Variants in TRPM3 observed in about 807,000 individuals in gnomAD.
TRPM3 encodes transient receptor potential cation channel subfamily M member 3.
Under a neutral mutation model 181.2 loss-of-function variants are expected in TRPM3, and 77 were observed. That is an observed-to-expected ratio of 0.42 (90% CI 0.35 to 0.51). The LOEUF is 0.51. Ranked by LOEUF, TRPM3 falls within the 20% of genes least tolerant of loss-of-function variation. The pLI, the probability that TRPM3 is intolerant of heterozygous loss-of-function variation, is 0.01. For missense variants in TRPM3, 1,759 were observed against 2,196.7 expected (o/e 0.80, Z 3.98); for synonymous variants, 745 against 796.4 (o/e 0.94, Z 1.09).
chr9:70,988,512 C>G (rs2097444018), intron 1 of TRPM3, among the ~76,000 whole-genome samples: 1 of 152,176 alleles, frequency 6.6e-6, no homozygotes, highest in Non-Finnish European at 1.5e-5. Flanking sequence ...TGAGCGTCCA[C>G]TGTATACTTT....
At chr9:71,109,400 C>A (rs2070516623) in intron 1 of TRPM3, among the ~76,000 whole-genome samples, 1 of 151,942 alleles carries the variant, frequency 6.6e-6, no homozygotes, top group Middle Eastern at 3.4e-3. Flanking sequence ...TAGTTTATTA[C>A]AAAAGACTCC....
At chr9:71,359,301 G>A (rs754247470) in intron 1 of TRPM3, among the ~76,000 whole-genome samples, 6 of 152,214 alleles carry the variant, frequency 3.9e-5, no homozygotes, top group East Asian at 3.8e-4. Flanking sequence ...GTGTATGTGC[G>A]CATGCATGCA....
intron 1 of TRPM3, among the ~76,000 whole-genome samples, chr9:71,055,642 C>A (rs1009835604): frequency 2.0e-5 from 3 of 151,998 alleles, no homozygotes; most frequent in African/African-American, 7.2e-5. Flanking sequence ...TTGCTGCTTG[C>A]TGTCTTAAAG....
At chr9:70,614,507 A>C (rs2062472683) in intron 18 of TRPM3, among the ~76,000 whole-genome samples, 1 of 152,078 alleles carries the variant, frequency 6.6e-6, no homozygotes, top group Non-Finnish European at 1.5e-5. Flanking sequence ...AAAAATAAAT[A>C]AATAAATAAA....
intron 1 of TRPM3, among the ~76,000 whole-genome samples, chr9:71,003,763 C>T: frequency 6.6e-6 from 1 of 151,040 alleles, no homozygotes; most frequent in African/African-American, 2.4e-5. Context: ...GAAATCACTC[C>T]CCCCGTAAAA....
intron 1 of TRPM3, among the ~76,000 whole-genome samples, chr9:71,025,765 C>T (rs1323836128): frequency 6.6e-6 from 1 of 152,142 alleles, no homozygotes; most frequent in African/African-American, 2.4e-5. Context: ...TTCCTAAGAG[C>T]CTGCTCCAAG....
Position 71,399,067 on chromosome 9 carries a change from TA to T in TRPM3, c.183+47585del, listed in dbSNP as rs999414420. Reference sequence around the variant, plus strand: ...TAGTGCTAAGTCAATATTTATCTTCTAAAAAAATCAATAAAATGTATTCTGA... The same window carrying T: ...TAGTGCTAAGTCAATATTTATCTTCTAAAAAATCAATAAAATGTATTCTGA... On this transcript the variant is annotated intron_variant, in intron 1 of 24. Coordinates refer to the TRPM3 transcript ENST00000357533. Among the ~76,000 whole-genome samples the T allele has an allele frequency of 4.6e-5, 7 of 152,168 alleles. No individual in the cohort carries two copies. In the East Asian group the frequency reaches 1.3e-3, roughly 29 times the overall value.
Position 70,681,546 on chromosome 9 carries a change from G to T in TRPM3, c.1305C>A (p.His435Gln), listed in dbSNP as rs374084857. 3 of 1,613,810 alleles carry T rather than the reference G, an allele frequency of 1.9e-6. No individual in the cohort carries two copies. Among genetic ancestry groups the T allele is most frequent in the Non-Finnish European group, 2.5e-6 (3 of 1,179,808 alleles). ...TCAGGATAGCCAAATCAATGTCCTG[G>T]TGTCCTTCTGATCCCATCCGAAATA... ...ITVFRMGSEGHQDIDLAILTA... is the reference protein window; with the variant it reads ...ITVFRMGSEGQQDIDLAILTA... The change falls in exon 9 of 26, where the codon CAC (histidine) becomes CAA (glutamine). Residue 435 changes from histidine (H) to glutamine (Q), a missense_variant. Coordinates refer to ENST00000677713, the MANE Select transcript of TRPM3 (RefSeq NM_001366145.2).
intron 1 of TRPM3, among the ~76,000 whole-genome samples, chr9:70,991,747 T>C (rs1326456369): frequency 1.3e-5 from 2 of 152,094 alleles, no homozygotes; most frequent in Non-Finnish European, 2.9e-5. Flanking sequence ...TCCAAATCCT[T>C]TGTGGCTCAT....
At chr9:70,842,135 A>G (rs1416473941) in intron 5 of TRPM3, among the ~76,000 whole-genome samples, 2 of 152,110 alleles carry the variant, frequency 1.3e-5, no homozygotes, top group African/African-American at 2.4e-5. Context: ...TTTGAAACAT[A>G]CATTTTATTT....
intron 5 of TRPM3, among the ~76,000 whole-genome samples, chr9:70,835,279 A>G (rs1016788916): frequency 5.3e-5 from 8 of 150,712 alleles, no homozygotes; most frequent in Non-Finnish European, 8.9e-5. Context: ...CAATGCAAGA[A>G]TATACTAATA....
intron 1 of TRPM3, among the ~76,000 whole-genome samples, chr9:71,325,886 T>G (rs1216485890): frequency 2.0e-5 from 3 of 152,196 alleles, no homozygotes; most frequent in Non-Finnish European, 4.4e-5. Flanking sequence ...TTTCCATTGC[T>G]TATCATAACT....
intron 1 of TRPM3, among the ~76,000 whole-genome samples, chr9:70,991,655 G>T (rs1320895466): frequency 2.1e-5 from 3 of 145,426 alleles, no homozygotes; most frequent in Non-Finnish European, 4.5e-5. Flanking sequence ...TGTCTAGAAA[G>T]ATATTTCTAA....
chr9:70,577,425 T>G (rs775154076), intron 22 of TRPM3, among the ~76,000 whole-genome samples: 1 of 152,244 alleles, frequency 6.6e-6, no homozygotes, highest in Non-Finnish European at 1.5e-5. Context: ...TTCTTTAACC[T>G]CTGTTCTTCA....
intron 1 of TRPM3, among the ~76,000 whole-genome samples, chr9:71,057,859 A>G (rs1251980813): frequency 2.0e-5 from 3 of 152,060 alleles, no homozygotes; most frequent in African/African-American, 7.2e-5. Context: ...TTACCTTTAC[A>G]TGTTTTAAGC....
At chr9:71,305,674 G>C (rs76143964) in intron 1 of TRPM3, among the ~76,000 whole-genome samples, 1 of 152,208 alleles carries the variant, frequency 6.6e-6, no homozygotes, top group East Asian at 1.9e-4. Context: ...TTCCCCAAAA[G>C]ATTTTAGTCT....
At chr9:71,432,181 C>G (rs2093964670) in intron 1 of TRPM3, among the ~76,000 whole-genome samples, 1 of 152,106 alleles carries the variant, frequency 6.6e-6, no homozygotes, top group Admixed American at 6.5e-5. Context: ...AATACAGGAC[C>G]ATGATGTTAT....
chr9:71,432,570 G>T (rs545008995), intron 1 of TRPM3, among the ~76,000 whole-genome samples: 3 of 151,996 alleles, frequency 2.0e-5, no homozygotes, highest in South Asian at 2.1e-4. Flanking sequence ...AATCATTATT[G>T]TTTATCTTTT....
chr9:71,014,352 A>G (rs551594364), intron 1 of TRPM3, among the ~76,000 whole-genome samples: 4 of 152,204 alleles, frequency 2.6e-5, no homozygotes, highest in African/African-American at 4.8e-5. Context: ...TGAATGTCCT[A>G]TGTATATTCT....
Sources: gnomAD v4.1 joint callset for allele counts (sites outside exome capture counted in the v4.1 genomes callset) on GRCh38, gnomAD v4.1.1 for gene constraint, MANE v1.5 for transcripts, NCBI Gene and HGNC (gene_info 2026-07-23, HGNC 2026-07-21) for gene names.